PCDHGA4: variants seen among roughly 807,000 people sequenced by gnomAD.
PCDHGA4 encodes protocadherin gamma-A4.
Under a neutral mutation model 54.6 loss-of-function variants are expected in PCDHGA4, and 38 were observed. The ratio of observed to expected loss-of-function variants is 0.70; its 90% confidence interval spans 0.54 to 0.91. The LOEUF is 0.91. Among genes scored for constraint, PCDHGA4 ranks in the 40% least tolerant of loss-of-function variants. The pLI is 0.00. For missense variants in PCDHGA4, 1,298 were observed against 1,220.9 expected, an observed-to-expected ratio of 1.06 and a Z score of -0.94; for synonymous variants, 511 against 512.9, an observed-to-expected ratio of 1.00 and a Z score of 0.05.
Position 141,399,689 on chromosome 5 carries a change from T to C in PCDHGA4, c.2514+42068T>C, listed in dbSNP as rs199516491. 502 of 1,613,550 alleles carry C rather than the reference T, an allele frequency of 3.1e-4. 1 individual carries two copies. Among genetic ancestry groups the C allele is most frequent in the Non-Finnish European group, 3.8e-4 (448 of 1,179,874 alleles). On this transcript the variant is annotated intron_variant, in intron 1 of 3. Transcript: ENST00000571252. ...CAGCGCGCCTTTGACTACGAGCAGC[T>C]GCGCACCTTCGAACTCACACTACAG...
intron 1 of PCDHGA4, among the ~76,000 whole-genome samples, chr5:141,482,314 A>G (rs1279804501): frequency 6.6e-6 from 1 of 152,180 alleles, no homozygotes; most frequent in Admixed American, 6.5e-5. Flanking sequence ...TTCCTCATCT[A>G]TAAAATAAAG....
chr5:141,437,518 T>C (rs1482415074), intron 1 of PCDHGA4, among the ~76,000 whole-genome samples: 1 of 152,210 alleles, frequency 6.6e-6, no homozygotes, highest in African/African-American at 2.4e-5. Flanking sequence ...ATAAGGCTGA[T>C]GACAAATGAG....
Position 141,357,324 on chromosome 5 carries a change from C to T in PCDHGA4, c.2217C>T (p.Val739=), listed in dbSNP as rs1234132409. The T allele has an allele frequency of 6.2e-7, 1 of 1,613,980 alleles. No individual in the cohort carries two copies. The highest frequency in any genetic ancestry group is 1.3e-5 in the African/African-American group (1 of 74,940). Residue 739 remains valine, a synonymous_variant, in exon 1 of 4, where the codon GTC becomes GTT. Coordinates refer to ENST00000571252, the MANE Select transcript of PCDHGA4 (RefSeq NM_018917.4). ...TCTCCTGCGTCTTCCTGGCTTTTGT[C>T]ACGGTGCTGCTAGCACTCAAGCTGA... ...AAVSCVFLAF[V]TVLLALKLRR...
intron 2 of PCDHGA4, among the ~76,000 whole-genome samples, chr5:141,504,870 AG>A (rs1453764331): frequency 6.6e-6 from 1 of 151,996 alleles, no homozygotes; most frequent in Non-Finnish European, 1.5e-5. Context: ...CCACCTTCAC[AG>A]TCCTCTGGAG....
At position 141,356,742 on chromosome 5, in the gene PCDHGA4, A is replaced by G. The variant is rs770003971; in HGVS notation, c.1635A>G (p.Leu545=). 4.3e-6 allele frequency: 7 copies of G among 1,613,844 alleles called. No homozygotes were observed. The African/African-American group carries it at 8.0e-5, about 18-fold the overall frequency. The change falls in exon 1 of 4, where the codon CTA becomes CTG. Residue 545 remains leucine, a synonymous_variant. Transcript: ENST00000571252. ...CCATCAACTCCAATACAGGGATCCTATATGCTCTTTGCTCCTTCGACTATG... is the reference window on the plus strand; with the variant it reads ...CCATCAACTCCAATACAGGGATCCTGTATGCTCTTTGCTCCTTCGACTATG... The part of the protein sequence containing the change: ...YVSINSNTGI[L]YALCSFDYEQ...
rs1335023784 is a variant in PCDHGA4 at position 141,490,877 on chromosome 5, C to CCAA, written c.2515-3927_2515-3925dup. 2.5e-6 allele frequency: 4 copies of CCAA among 1,613,762 alleles called. No homozygotes were observed. Among genetic ancestry groups the CCAA allele is most frequent in the Non-Finnish European group, 3.4e-6 (4 of 1,179,908 alleles). On this transcript the variant is annotated intron_variant, in intron 1 of 3. Transcript: ENST00000571252. This position sits in a 1 kb window ranked among gnomAD's most constrained non-coding sequence, Gnocchi z 5.4. ...GACTCCGGCTCTCCCCCATTGCATG[C>CCAA]CAACACATCTCTGCATGTGTTTGTC...
At chr5:141,482,366 AT>A (rs1425349819) in intron 1 of PCDHGA4, among the ~76,000 whole-genome samples, 1 of 152,150 alleles carries the variant, frequency 6.6e-6, no homozygotes, top group Non-Finnish European at 1.5e-5. Flanking sequence ...GTGAAAAGTA[AT>A]GCATATAAAG....
intron 1 of PCDHGA4, chr5:141,389,544 A>G (rs759523366): frequency 1.2e-6 from 2 of 1,613,260 alleles, no homozygotes; most frequent in Non-Finnish European, 1.7e-6. Context: ...GGACGACCGC[A>G]ACGACAATGC....
intron 1 of PCDHGA4, among the ~76,000 whole-genome samples, chr5:141,359,622 A>G (rs1307246669): frequency 6.6e-6 from 1 of 152,032 alleles, no homozygotes; most frequent in East Asian, 1.9e-4. Context: ...GGTATGTTGT[A>G]TGCTTACATT....
At chr5:141,360,363 A>T (rs1213185009) in intron 1 of PCDHGA4, 1 of 1,613,936 alleles carries the variant, frequency 6.2e-7, no homozygotes, top group Non-Finnish European at 8.5e-7. Context: ...AATATTTCAC[A>T]GTAAACCCAG....
chr5:141,477,219 G>A lies in PCDHGA4; in HGVS notation c.2515-17588G>A. ...CCAGTACCCGAGGATGCCCCTCTGG[G>A]GACTGTCATCGCTTTGCTCAGTGTG... On this transcript the variant is annotated intron_variant, in intron 1 of 3. Coordinates refer to ENST00000571252, the MANE Select transcript of PCDHGA4 (RefSeq NM_018917.4). The surrounding 1 kb of genome is among the most constrained non-coding windows in gnomAD (Gnocchi z 4.9). 1 of 1,614,162 alleles carries A rather than the reference G, an allele frequency of 6.2e-7. No homozygotes were observed. The highest frequency in any genetic ancestry group is 8.5e-7 in the Non-Finnish European group (1 of 1,180,038).
intron 1 of PCDHGA4, among the ~76,000 whole-genome samples, chr5:141,483,575 A>G (rs1165739266): frequency 6.6e-6 from 1 of 152,194 alleles, no homozygotes; most frequent in Non-Finnish European, 1.5e-5. Flanking sequence ...GAATTCTGGC[A>G]TAAACACCTA....
At chr5:141,447,433 C>T (rs756021616) in intron 1 of PCDHGA4, among the ~76,000 whole-genome samples, 5 of 152,118 alleles carry the variant, frequency 3.3e-5, no homozygotes, top group African/African-American at 7.2e-5. Context: ...CCACCGCACC[C>T]GGAGGAAATT....
intron 1 of PCDHGA4, chr5:141,414,875 T>G: frequency 6.2e-7 from 1 of 1,614,196 alleles, no homozygotes; most frequent in Non-Finnish European, 8.5e-7. Context: ...CCCGAGATCC[T>G]GTACCCCGCC....
At chr5:141,412,948 G>A in intron 1 of PCDHGA4, 1 of 468,334 alleles carries the variant, frequency 2.1e-6, no homozygotes, top group Non-Finnish European at 3.7e-6. Context: ...TCTGAGCGCC[G>A]CTGTTCACCT....
chr5:141,439,889 C>T (rs997306014), intron 1 of PCDHGA4: 1 of 152,348 alleles, frequency 6.6e-6, no homozygotes, highest in Admixed American at 6.5e-5. Context: ...CTGGGTAGAA[C>T]CAAGGCGACT....
In PCDHGA4 at chr5:141,356,597, CCA is replaced by C. The variant is rs1177164623; in HGVS notation, c.1491_1492del (p.Gly499SerfsTer12). 1.2e-6 allele frequency: 2 copies of C among 1,614,034 alleles called. No individual in the cohort carries two copies. The highest frequency in any genetic ancestry group is 4.5e-5 in the East Asian group (2 of 44,888). On this transcript the variant is annotated frameshift_variant, in exon 1 of 4. Transcript: ENST00000571252. LOFTEE classifies it high-confidence loss of function. ...TCTGCTTACATTCCTGAAAACAACC[CCA>C]GAGGAGCCTCCATCTTATCTATGAC...
chr5:141,455,406 C>A (rs991797932), intron 1 of PCDHGA4, among the ~76,000 whole-genome samples: 1 of 152,108 alleles, frequency 6.6e-6, no homozygotes, highest in Non-Finnish European at 1.5e-5. Flanking sequence ...CTTACAGAGA[C>A]AGAGGGAGCG....
chr5:141,365,815 A>G (rs1246985073), intron 1 of PCDHGA4: 1 of 1,613,664 alleles, frequency 6.2e-7, no homozygotes, highest in Admixed American at 1.7e-5. Context: ...CTGAAGACAC[A>G]TTTCAGGGGG....
Sources: allele counts gnomAD v4.1 joint callset (sites outside exome capture counted in the v4.1 genomes callset), GRCh38; gene constraint gnomAD v4.1.1; non-coding constraint Gnocchi (gnomAD v3.1); transcripts MANE v1.5; gene names NCBI Gene and HGNC (gene_info 2026-07-23, HGNC 2026-07-21).